DAND5: variants seen among roughly 807,000 people sequenced by gnomAD.
DAND5 encodes the protein DAN domain family member 5.
Under a neutral mutation model 9.2 loss-of-function variants are expected in DAND5, and 8 were observed. The observed-to-expected ratio is 0.87, with a 90% CI of 0.51 to 1.56. The LOEUF (loss-of-function observed/expected upper bound fraction) is 1.56, where lower values mean the gene tolerates loss of function less well. Among genes scored for constraint, DAND5 ranks in the 40% most tolerant of loss-of-function variants. The pLI, the probability that DAND5 is intolerant of heterozygous loss-of-function variation, is 0.00. For missense variants in DAND5, 244 were observed against 244.7 expected, an observed-to-expected ratio of 1.00 and a Z score of 0.02; for synonymous variants, 95 against 101.1, an observed-to-expected ratio of 0.94 and a Z score of 0.36.
At chr19:12,971,609 T>TGTTA (rs2011145805) in intron 1 of DAND5, among the ~76,000 whole-genome samples, 1 of 151,114 alleles carries the variant, frequency 6.6e-6, no homozygotes, top group African/African-American at 2.4e-5. Flanking sequence ...TTTTGTTTTT[T>TGTTA]GAGACAGAGT....
At position 12,969,925 on chromosome 19, in the gene DAND5, C is replaced by A. The variant is rs1440331408; in HGVS notation, c.265C>A (p.Leu89Met). 1.2e-6 allele frequency: 2 copies of A among 1,614,192 alleles called. No individual in the cohort carries two copies. The highest frequency in any genetic ancestry group is 2.7e-5 in the African/African-American group (2 of 75,064). The part of the protein sequence containing the change: ...RGQDEVAAVT[L>M]PLNPQEVIQG... ...GCAAGACGAGGTGGCTGCTGTGACT[C>A]TGCCGCTGAACCCTCAGGAAGTGAT... The change falls in exon 1 of 2, where the codon CTG becomes ATG. Residue 89 changes from leucine (L) to methionine (M), a missense_variant. Physicochemically the swap from Leu to Met is conservative, Grantham distance 15. Coordinates refer to ENST00000317060, the MANE Select transcript of DAND5 (RefSeq NM_152654.3).
chr19:12,969,633 A>G lies in DAND5; in HGVS notation c.-28A>G, dbSNP rs535257159. ...CCTTGAGCCCAGTCCGGACAGACAG[A>G]CAGGCAGACAGACGCACGGACAAGC... On this transcript the variant is annotated 5_prime_UTR_variant, in exon 1 of 2. Transcript: ENST00000317060. 45 of 1,570,194 alleles carry G rather than the reference A, an allele frequency of 2.9e-5. No homozygotes were observed. The South Asian group carries it at 4.7e-4, about 16-fold the overall frequency.
rs1361004100 is a variant in DAND5, at chr19:12,969,826, G to T, written c.166G>T (p.Ala56Ser). The change falls in exon 1 of 2, where the codon GCC becomes TCC. Residue 56 changes from alanine to serine, a missense_variant. Physicochemically the swap from Ala to Ser is moderately conservative, Grantham distance 99 (BLOSUM62 1). Transcript: ENST00000317060. Reference sequence around the variant, plus strand: ...CCTGCCCCCACTGGTGCCAGCTTCTGCCCTTGGGAGCTGGAAGGCCTTCTT... The same window carrying T: ...CCTGCCCCCACTGGTGCCAGCTTCTTCCCTTGGGAGCTGGAAGGCCTTCTT... ...GALPPLVPAS[A>S]LGSWKAFLGL... 1 of 1,610,978 alleles carries T rather than the reference G, an allele frequency of 6.2e-7. No homozygotes were observed. The highest frequency in any genetic ancestry group is 1.1e-5 in the South Asian group (1 of 90,592).
intron 1 of DAND5, chr19:12,970,590 TTC>T: frequency 1.2e-5 from 6 of 502,126 alleles, no homozygotes; most frequent in South Asian, 3.1e-5. Context: ...CTTTCTTTCT[TTC>T]TTTTTCTCTT....
At chr19:12,970,637 T>C (rs2011141904) in intron 1 of DAND5, 1 of 461,362 alleles carries the variant, frequency 2.2e-6, no homozygotes, top group African/African-American at 2.9e-5. Flanking sequence ...TTTTCTTTTT[T>C]TCTCTTTCTT....
rs1161827670 is a variant in DAND5, at chr19:12,969,882, G to T, written c.222G>T (p.Met74Ile). Residue 74 changes from methionine to isoleucine, a missense_variant, in exon 1 of 2, where the codon ATG (methionine) becomes ATT (isoleucine). Coordinates refer to ENST00000317060, the MANE Select transcript of DAND5 (RefSeq NM_152654.3). ...LGLQKARQLG[M>I]GRLQRGQDEV... The stretch of plus-strand genomic sequence containing the variant: ...TGCAGAAAGCCAGGCAGCTGGGGAT[G>T]GGCAGGCTGCAGCGTGGGCAAGACG... The T allele has an allele frequency of 2.5e-6, 4 of 1,614,152 alleles. No homozygotes were observed. The highest frequency in any genetic ancestry group is 3.4e-6 in the Non-Finnish European group (4 of 1,179,998).
intron 1 of DAND5, among the ~76,000 whole-genome samples, chr19:12,973,114 G>A (rs1055247106): frequency 1.4e-4 from 21 of 151,410 alleles, no homozygotes; most frequent in Non-Finnish European, 2.4e-4. Context: ...CGCCCGCCTT[G>A]GCCTCCCAAA....
Position 12,972,684 on chromosome 19 carries a change from G to A in DAND5, c.325-705G>A, listed in dbSNP as rs143352739. On this transcript the variant is annotated intron_variant, in intron 1 of 1. Coordinates refer to ENST00000317060, the MANE Select transcript of DAND5 (RefSeq NM_152654.3). ...GCCTCCCATGTAACTGGGATTACAG[G>A]TGTAGGTGCCCATGCCCGGCTAAGT... Among the ~76,000 whole-genome samples, 178 of 152,024 alleles carry A rather than the reference G, an allele frequency of 1.2e-3. 3 individuals are homozygous for A. The highest frequency in any genetic ancestry group is 4.2e-3 in the African/African-American group (173 of 41,474).
intron 1 of DAND5, among the ~76,000 whole-genome samples, chr19:12,971,671 A>T (rs1283579402): frequency 1.3e-5 from 2 of 149,674 alleles, no homozygotes; most frequent in African/African-American, 4.9e-5. Context: ...GGCTCACTGC[A>T]CCTCCATCTC....
chr19:12,973,863 C>CT lies in DAND5; in HGVS notation c.*246dup, dbSNP rs113289497. The stretch of plus-strand genomic sequence containing the variant: ...ACAGCACACAATGATTGACAACTCA[C>CT]TTTTTTTTTTTTTTTTTGAGATGGA... On this transcript the variant is annotated 3_prime_UTR_variant, in exon 2 of 2. Coordinates refer to ENST00000317060, the MANE Select transcript of DAND5 (RefSeq NM_152654.3). The CT allele has an allele frequency of 0.11, 38,298 of 347,172 alleles. 246 individuals carry two copies. The highest frequency in any genetic ancestry group is 0.13 in the Non-Finnish European group (24,742 of 194,124). The allele number at this position is 347,172 out of a possible 1,614,324, so 21.5% of individuals were successfully genotyped here.
chr19:12,970,321 A>G (rs911010621), intron 1 of DAND5: 1 of 617,396 alleles, frequency 1.6e-6, no homozygotes. Flanking sequence ...TTCACAGCCC[A>G]CAAATTTCTG....
intron 1 of DAND5, among the ~76,000 whole-genome samples, chr19:12,972,967 A>G (rs1438689268): frequency 1.4e-5 from 2 of 142,028 alleles, no homozygotes; most frequent in Non-Finnish European, 3.0e-5. Flanking sequence ...GGTTCACACC[A>G]TTCTTCTGCC....
intron 1 of DAND5, among the ~76,000 whole-genome samples, chr19:12,971,589 CT>C (rs927241655): frequency 2.0e-5 from 3 of 148,840 alleles, no homozygotes; most frequent in African/African-American, 7.4e-5. Flanking sequence ...CTTTACTTTT[CT>C]TTTCAGGTTT....
rs558349001 is a variant in DAND5, at chr19:12,973,420, G to A, written c.356G>A (p.Arg119His). 46 of 1,613,988 alleles carry A rather than the reference G, an allele frequency of 2.9e-5. No homozygotes were observed. The highest frequency in any genetic ancestry group is 1.5e-4 in the Admixed American group (9 of 59,988). ...TCCCGGCCCGGCTGCTCAGCCATAC[G>A]CCTCCGAAATCATCTGTGCTTTGGT... is the stretch of plus-strand genomic sequence containing the variant. ...VFSRPGCSAI[R>H]LRNHLCFGHC... is the part of the protein sequence containing the mutation. The change falls in exon 2 of 2, where the codon CGC (arginine) becomes CAC (histidine). Residue 119 changes from arginine to histidine, a missense_variant. By Grantham distance (29) the Arg-to-His change is conservative. Coordinates refer to ENST00000317060, the MANE Select transcript of DAND5 (RefSeq NM_152654.3).
intron 1 of DAND5, chr19:12,970,612 CTTT>C: frequency 2.1e-6 from 1 of 475,038 alleles, no homozygotes; most frequent in Non-Finnish European, 3.7e-6. Flanking sequence ...TTCTTTCTTT[CTTT>C]TCTTTCTTTG....
At chr19:12,973,361 C>T (rs1451240581) in intron 1 of DAND5, 28 bp from the exon 2 acceptor site, 2 of 1,609,702 alleles carry the variant, frequency 1.2e-6, no homozygotes, top group African/African-American at 1.3e-5. Context: ...CTCCGCCACC[C>T]TGACCGTCTC....
chr19:12,972,097 C>A (rs1225785242), intron 1 of DAND5, among the ~76,000 whole-genome samples: 2 of 147,508 alleles, frequency 1.4e-5, no homozygotes, highest in Non-Finnish European at 3.0e-5. Context: ...CTCGCTCTGT[C>A]GCCCAGGCTG....
Position 12,969,983 on chromosome 19 carries a change from A to C in DAND5, c.323A>C (p.Gln108Pro). Residue 108 changes from glutamine to proline, a missense_variant and splice_region_variant, in exon 1 of 2, where the codon CAG becomes CCG. Coordinates refer to ENST00000317060, the MANE Select transcript of DAND5 (RefSeq NM_152654.3). ...QGMCKAVPFV[Q>P]VFSRPGCSAI... is the part of the protein sequence containing the mutation. Reference sequence around the variant, plus strand: ...ATGTGTAAGGCTGTGCCCTTCGTTCAGGTGAGTGGGTGGGTGTGGGGAGGA... The same window carrying C: ...ATGTGTAAGGCTGTGCCCTTCGTTCCGGTGAGTGGGTGGGTGTGGGGAGGA... 6.2e-7 allele frequency: 1 copy of C among 1,613,596 alleles called. No individual in the cohort carries two copies.
At position 12,969,647 on chromosome 19, in the gene DAND5, G is replaced by T; in HGVS notation, c.-14G>T. 6.3e-7 allele frequency: 1 copy of T among 1,584,658 alleles called. No individual in the cohort carries two copies. The highest frequency in any genetic ancestry group is 8.6e-7 in the Non-Finnish European group (1 of 1,167,332). The stretch of plus-strand genomic sequence containing the variant: ...CGGACAGACAGACAGGCAGACAGAC[G>T]CACGGACAAGCAGATGCTCCTTGGC... On this transcript the variant is annotated 5_prime_UTR_variant, in exon 1 of 2. Transcript: ENST00000317060.
Sources: allele counts gnomAD v4.1 joint callset (sites outside exome capture counted in the v4.1 genomes callset), GRCh38; gene constraint gnomAD v4.1.1; transcripts MANE v1.5; gene names NCBI Gene and HGNC (gene_info 2026-07-23, HGNC 2026-07-21).